Variants in CTNND2 observed in about 807,000 individuals in gnomAD.
CTNND2 encodes the protein catenin delta-2.
Under a neutral mutation model 144.4 loss-of-function variants are expected in CTNND2, and 22 were observed. The ratio of observed to expected loss-of-function variants is 0.15; its 90% CI spans 0.11 to 0.22. The LOEUF (loss-of-function observed/expected upper bound fraction) is 0.22. Among genes scored for constraint, CTNND2 ranks in the 10% least tolerant of loss-of-function variants. The pLI, the probability that CTNND2 is intolerant of heterozygous loss-of-function variation, is 1.00. For synonymous variants in CTNND2, 751 were observed against 695.6 expected, an observed-to-expected ratio of 1.08 and a Z score of -1.25; for missense variants, 1,353 against 1,618.8, an observed-to-expected ratio of 0.84 and a Z score of 2.82.
At chr5:11,677,822 A>G (rs1378635600) in intron 2 of CTNND2, among the ~76,000 whole-genome samples, 1 of 152,202 alleles carries the variant, frequency 6.6e-6, no homozygotes, top group Non-Finnish European at 1.5e-5. Context: ...CAATATCATT[A>G]CCAATGCTTC....
chr5:11,688,874 G>T (rs935925162), intron 2 of CTNND2, among the ~76,000 whole-genome samples: 3 of 152,204 alleles, frequency 2.0e-5, no homozygotes, highest in Non-Finnish European at 4.4e-5. Flanking sequence ...GTGGTGAAAG[G>T]AAACAACCAA....
chr5:11,669,914 G>C (rs1783792055), intron 2 of CTNND2, among the ~76,000 whole-genome samples: 1 of 152,154 alleles, frequency 6.6e-6, no homozygotes, highest in Non-Finnish European at 1.5e-5. Flanking sequence ...GCTACAAACT[G>C]CTTTAAATGT....
At chr5:11,531,346 C>T (rs1468309977) in intron 3 of CTNND2, among the ~76,000 whole-genome samples, 2 of 152,086 alleles carry the variant, frequency 1.3e-5, no homozygotes, top group Admixed American at 1.3e-4. Context: ...ACAGGGAGGG[C>T]TGGGCACGGT....
At chr5:11,308,695 G>A (rs889408984) in intron 9 of CTNND2, among the ~76,000 whole-genome samples, 2 of 152,212 alleles carry the variant, frequency 1.3e-5, no homozygotes, top group East Asian at 1.9e-4. Context: ...GTAATCAGAA[G>A]CAATGAATAC....
At chr5:11,543,120 C>A (rs946037442) in intron 3 of CTNND2, among the ~76,000 whole-genome samples, 1 of 152,214 alleles carries the variant, frequency 6.6e-6, no homozygotes, top group Admixed American at 6.5e-5. Context: ...AAAATCATCT[C>A]ATGCCTTTCA....
At chr5:11,496,224 AAC>A (rs1391385535) in intron 3 of CTNND2, among the ~76,000 whole-genome samples, 2 of 152,192 alleles carry the variant, frequency 1.3e-5, no homozygotes, top group Admixed American at 1.3e-4. Context: ...CAAACAGTAG[AAC>A]CCATTGAAAG....
intron 7 of CTNND2, among the ~76,000 whole-genome samples, chr5:11,374,863 C>G (rs1345281858): frequency 1.4e-5 from 2 of 144,152 alleles, no homozygotes; most frequent in Non-Finnish European, 3.0e-5. Flanking sequence ...CCAGAAGTCT[C>G]CATTCTGCTT....
chr5:11,479,575 A>G (rs144398095), intron 3 of CTNND2, among the ~76,000 whole-genome samples: 1,565 of 152,302 alleles, frequency 0.01, 30 homozygotes, highest in African/African-American at 0.036. Flanking sequence ...GAATTGCCAC[A>G]CTGCTTTCCA....
chr5:11,465,553 C>A (rs899244563), intron 3 of CTNND2, among the ~76,000 whole-genome samples: 9 of 152,150 alleles, frequency 5.9e-5, no homozygotes, highest in African/African-American at 1.9e-4. Flanking sequence ...TTATTTTTGC[C>A]AGACTGACTC....
intron 5 of CTNND2, among the ~76,000 whole-genome samples, chr5:11,405,989 A>C (rs1263277208): frequency 6.6e-6 from 1 of 152,072 alleles, no homozygotes; most frequent in East Asian, 1.9e-4. Flanking sequence ...TCTCTACTAA[A>C]AATACAAAAA....
intron 20 of CTNND2, among the ~76,000 whole-genome samples, chr5:10,982,987 G>C (rs570893988): frequency 6.6e-6 from 1 of 152,310 alleles, no homozygotes; most frequent in East Asian, 1.9e-4. Flanking sequence ...GTAGAATGAT[G>C]GTTATCAGAG....
intron 1 of CTNND2, among the ~76,000 whole-genome samples, chr5:11,745,687 C>T (rs1278267805): frequency 6.6e-6 from 1 of 152,198 alleles, no homozygotes; most frequent in African/African-American, 2.4e-5. Context: ...ACCCTCCTAA[C>T]CTGCCTCTCA....
chr5:11,088,243 C>G (rs1483179024), intron 15 of CTNND2, among the ~76,000 whole-genome samples: 4 of 151,932 alleles, frequency 2.6e-5, no homozygotes, highest in East Asian at 1.9e-4. Flanking sequence ...TTCTGAGACC[C>G]CTGTGTGTTC....
intron 3 of CTNND2, among the ~76,000 whole-genome samples, chr5:11,483,710 G>T (rs562503818): frequency 3.3e-5 from 5 of 152,236 alleles, no homozygotes; most frequent in Admixed American, 2.0e-4. Context: ...GCATGTTTTT[G>T]GCACCGAGTC....
At chr5:11,716,767 AC>A (rs1198720204) in intron 2 of CTNND2, among the ~76,000 whole-genome samples, 1 of 151,484 alleles carries the variant, frequency 6.6e-6, no homozygotes, top group African/African-American at 2.4e-5. Context: ...GCTTACCACA[AC>A]CTCCTCCACC....
chr5:11,306,717 C>A (rs1750248762), intron 9 of CTNND2, among the ~76,000 whole-genome samples: 1 of 152,224 alleles, frequency 6.6e-6, no homozygotes, highest in Admixed American at 6.5e-5. Flanking sequence ...ATAGGAATGT[C>A]TGATGCTTTG....
At chr5:11,482,622 C>T (rs983841338) in intron 3 of CTNND2, among the ~76,000 whole-genome samples, 6 of 151,798 alleles carry the variant, frequency 4.0e-5, no homozygotes, top group Admixed American at 6.6e-5. Flanking sequence ...GGAGAACAAG[C>T]GGGAAGGGCA....
chr5:11,290,669 G>C (rs1466356962), intron 9 of CTNND2, among the ~76,000 whole-genome samples: 2 of 152,140 alleles, frequency 1.3e-5, no homozygotes, highest in Non-Finnish European at 2.9e-5. Flanking sequence ...ACGTTTCATA[G>C]AGAACATCTG....
At chr5:11,182,724 G>A (rs1273196608) in intron 11 of CTNND2, among the ~76,000 whole-genome samples, 1 of 152,194 alleles carries the variant, frequency 6.6e-6, no homozygotes, top group Non-Finnish European at 1.5e-5. Context: ...GTAGCTGTGG[G>A]CTGTTGTCCT....
Sources: gnomAD v4.1 joint callset for allele counts (sites outside exome capture counted in the v4.1 genomes callset) on GRCh38, gnomAD v4.1.1 for gene constraint, MANE v1.5 for transcripts, NCBI Gene and HGNC (gene_info 2026-07-23, HGNC 2026-07-21) for gene names.